The following EPS15L1 variants were observed in gnomAD, a reference collection of about 807,000 sequenced individuals.
EPS15L1 encodes epidermal growth factor receptor pathway substrate 15 like 1, also known as epidermal growth factor receptor substrate 15-like 1.
EPS15L1 carries 43 observed loss-of-function variants against 117.1 expected under a neutral mutation model. That is an observed-to-expected ratio of 0.37 (90% CI 0.29 to 0.47). The LOEUF (loss-of-function observed/expected upper bound fraction) is 0.47. EPS15L1 is among the 20% of genes least tolerant of loss of function. EPS15L1 has a pLI of 0.99. For synonymous variants in EPS15L1, 459 were observed against 470.5 expected (o/e 0.98, Z 0.32); for missense variants, 981 against 1,164.0 (o/e 0.84, Z 2.29).
rs758934876 is a variant in EPS15L1 at position 16,442,206 on chromosome 19, T to C, written c.47A>G (p.Asn16Ser). 9 of 1,613,602 alleles carry C rather than the reference T, an allele frequency of 5.6e-6. No homozygotes were observed. The Admixed American group carries it at 1.2e-4, about 21-fold the overall frequency. The change falls in exon 2 of 24, where the codon AAT becomes AGT. Residue 16 changes from asparagine to serine, a missense_variant. Physicochemically the swap from Asn to Ser is conservative, Grantham distance 46. Transcript: ENST00000455140. ...IPLSQQIPTG[N>S]SLYESYYKQV... Reference sequence around the variant, plus strand: ...CTTGTAATAAGATTCATACAACGAATTTCCAGTGGGAATCTGTAAATGAAA... The same window carrying C: ...CTTGTAATAAGATTCATACAACGAACTTCCAGTGGGAATCTGTAAATGAAA...
intron 22 of EPS15L1, among the ~76,000 whole-genome samples, chr19:16,373,198 C>T (rs544227421): frequency 2.2e-4 from 33 of 152,338 alleles, no homozygotes; most frequent in African/African-American, 7.2e-4. Flanking sequence ...GTCTGTCTAT[C>T]TCCACCAGCT....
At chr19:16,368,355 T>C (rs531515376) in intron 22 of EPS15L1, among the ~76,000 whole-genome samples, 2 of 152,246 alleles carry the variant, frequency 1.3e-5, no homozygotes, top group South Asian at 4.2e-4. Context: ...CAAGCATCAT[T>C]GATCCTACAC....
At chr19:16,422,331 A>G (rs2092823580) in intron 9 of EPS15L1, among the ~76,000 whole-genome samples, 1 of 152,092 alleles carries the variant, frequency 6.6e-6, no homozygotes, top group African/African-American at 2.4e-5. Flanking sequence ...CTCCACCTGC[A>G]TTACCGCGGG....
chr19:16,396,965 G>A (rs2092547151), intron 16 of EPS15L1, among the ~76,000 whole-genome samples: 2 of 152,130 alleles, frequency 1.3e-5, no homozygotes, highest in Admixed American at 1.3e-4. Flanking sequence ...GATGGGGAGT[G>A]GGTATTTCAT....
chr19:16,426,464 T>C (rs1424997987), intron 8 of EPS15L1, among the ~76,000 whole-genome samples: 1 of 151,894 alleles, frequency 6.6e-6, no homozygotes, highest in Non-Finnish European at 1.5e-5. Context: ...AGAAACCGCA[T>C]CTCTACTAAA....
rs114370264 is a variant in EPS15L1 at position 16,433,514 on chromosome 19, G to A, written c.498+851C>T. 2.7e-3 allele frequency among the ~76,000 whole-genome samples: 413 copies of A among 152,210 alleles called. 2 individuals carry two copies. The highest frequency in any genetic ancestry group is 9.4e-3 in the African/African-American group (389 of 41,544). On this transcript the variant is annotated intron_variant, in intron 7 of 23. Coordinates refer to ENST00000455140, the MANE Select transcript of EPS15L1 (RefSeq NM_001258374.3). ...AATACTTTTACCTTGAGCTTTATCA[G>A]AAGAAAAAGAGTAATTAATAGTAGA...
At chr19:16,402,173 C>T (rs1190596201) in intron 16 of EPS15L1, 148 bp downstream of exon 16, 31 of 1,436,920 alleles carry the variant, frequency 2.2e-5, no homozygotes, top group South Asian at 6.1e-5. Flanking sequence ...CTGGTGTGAA[C>T]GCGCAAAGTG....
At chr19:16,464,431 G>A (rs555754130) in intron 1 of EPS15L1, among the ~76,000 whole-genome samples, 2 of 152,264 alleles carry the variant, frequency 1.3e-5, no homozygotes, top group African/African-American at 2.4e-5. Flanking sequence ...CCACTCTCTC[G>A]GCAAGCAGAC....
rs567496747 is a variant in EPS15L1 at position 16,406,804 on chromosome 19, G to A, written c.1267-2055C>T. Among the ~76,000 whole-genome samples the A allele has an allele frequency of 3.6e-4, 55 of 152,356 alleles. No homozygotes were observed. In the South Asian group the frequency reaches 3.9e-3, roughly 11 times the overall value. ...AGAGGCATGACAGGAGGACAAGAGG[G>A]AACTCACTGGCCACATGCCGTGTAC... On this transcript the variant is annotated intron_variant, in intron 13 of 23. Transcript: ENST00000455140.
intron 8 of EPS15L1, 58 bp downstream of exon 8, chr19:16,428,644 C>A: frequency 7.8e-7 from 1 of 1,280,908 alleles, no homozygotes; most frequent in Non-Finnish European, 1.1e-6. Context: ...ATCCAGCAAC[C>A]CCTGCGCACT....
chr19:16,374,590 T>C (rs772386490), intron 22 of EPS15L1, among the ~76,000 whole-genome samples: 8 of 151,932 alleles, frequency 5.3e-5, no homozygotes, highest in Non-Finnish European at 1.2e-4. Flanking sequence ...GGAGACACGA[T>C]GGGAGGTGAT....
intron 2 of EPS15L1, 90 bp from the exon 3 acceptor site, chr19:16,442,071 G>C: frequency 6.8e-7 from 1 of 1,479,504 alleles, no homozygotes; most frequent in Non-Finnish European, 9.4e-7. Flanking sequence ...TCCGCTGACA[G>C]TGAACAGAAA....
rs867386211 is a variant in EPS15L1, at chr19:16,385,151, G to A, written c.2225C>T (p.Ala742Val). 6.2e-7 allele frequency: 1 copy of A among 1,614,090 alleles called. No individual in the cohort carries two copies. The highest frequency in any genetic ancestry group is 8.5e-7 in the Non-Finnish European group (1 of 1,179,980). ...SGSFNSAEGF[A>V]DFSQMSKPPP... ...TACCTTGGACATCTGGCTGAAGTCG[G>A]CAAAGCCTTCAGCACTATTGAAGGA... The change falls in exon 21 of 24, where the codon GCC (alanine) becomes GTC (valine). Residue 742 changes from alanine (A) to valine (V), a missense_variant. By Grantham distance (64) the Ala-to-Val change is moderately conservative. Coordinates refer to ENST00000455140, the MANE Select transcript of EPS15L1 (RefSeq NM_001258374.3).
chr19:16,463,777 G>GTGATAAC (rs2145190845), intron 1 of EPS15L1, among the ~76,000 whole-genome samples: 1 of 152,348 alleles, frequency 6.6e-6, no homozygotes, highest in African/African-American at 2.4e-5. Flanking sequence ...ATCTCCACCA[G>GTGATAAC]TGGTAACAGA....
At chr19:16,358,890 C>G (rs965794945) in intron 23 of EPS15L1, among the ~76,000 whole-genome samples, 3 of 152,190 alleles carry the variant, frequency 2.0e-5, no homozygotes, top group Admixed American at 1.3e-4. Context: ...AGAACCGTTC[C>G]GCTAACCTAG....
At chr19:16,426,669 A>G (rs1166266752) in intron 8 of EPS15L1, among the ~76,000 whole-genome samples, 3 of 152,170 alleles carry the variant, frequency 2.0e-5, no homozygotes, top group East Asian at 1.9e-4. Flanking sequence ...AAAAAAACAA[A>G]AAGTCCACGT....
chr19:16,443,693 AG>A (rs1312214615), intron 1 of EPS15L1: 1 of 149,860 alleles, frequency 6.7e-6, no homozygotes, highest in Non-Finnish European at 1.5e-5. Context: ...CTGGGTGACA[AG>A]AGTGAAACTC....
intron 12 of EPS15L1, among the ~76,000 whole-genome samples, chr19:16,416,885 T>G (rs2092763395): frequency 6.6e-6 from 1 of 152,066 alleles, no homozygotes; most frequent in Non-Finnish European, 1.5e-5. Flanking sequence ...TATACCAGAC[T>G]CTAAAAGTAC....
chr19:16,385,238 G>T, intron 20 of EPS15L1, 27 bp from the exon 21 acceptor site: 1 of 1,596,692 alleles, frequency 6.3e-7, no homozygotes, highest in Non-Finnish European at 8.6e-7. Context: ...CAAAGTCAGA[G>T]TTACAGGTCT....
Sources: gnomAD v4.1 joint callset for allele counts (sites outside exome capture counted in the v4.1 genomes callset) on GRCh38, gnomAD v4.1.1 for gene constraint, MANE v1.5 for transcripts, NCBI Gene and HGNC (gene_info 2026-07-23, HGNC 2026-07-21) for gene names.